Variants in CHD6 observed in about 807,000 individuals in gnomAD.
CHD6 encodes the protein chromodomain helicase DNA binding protein 6, also known as ATP-dependent chromatin remodeler CHD6.
Under a neutral mutation model 276.9 loss-of-function variants are expected in CHD6, and 50 were observed. That is an observed-to-expected ratio of 0.18 (90% confidence interval 0.14 to 0.23). CHD6 has a LOEUF of 0.23. CHD6 is among the 10% of genes least tolerant of loss of function. The pLI, the probability that CHD6 is intolerant of heterozygous loss-of-function variation, is 1.00. For synonymous variants in CHD6, 1,173 were observed against 1,229.3 expected (o/e 0.95, Z 0.96); for missense variants, 2,564 against 3,365.8 (o/e 0.76, Z 5.89).
At chr20:41,573,338 A>C (rs1337084468) in intron 1 of CHD6, among the ~76,000 whole-genome samples, 5 of 152,236 alleles carry the variant, frequency 3.3e-5, no homozygotes, top group Non-Finnish European at 5.9e-5. Flanking sequence ...TGCCTGGCAC[A>C]CAGAAGGTGC....
At chr20:41,431,834 C>T (rs1020740378) in intron 27 of CHD6, among the ~76,000 whole-genome samples, 2 of 137,416 alleles carry the variant, frequency 1.5e-5, no homozygotes, top group African/African-American at 5.6e-5. Context: ...GCGGGCTACC[C>T]GGAAATGGCA....
At chr20:41,521,770 C>T (rs974359749) in intron 3 of CHD6, among the ~76,000 whole-genome samples, 3 of 152,122 alleles carry the variant, frequency 2.0e-5, no homozygotes, top group Non-Finnish European at 2.9e-5. Context: ...AGACGATGAG[C>T]CCGAAACATC....
chr20:41,511,720 A>G lies in CHD6; in HGVS notation c.852+1126T>C, dbSNP rs1329920140. ...ATCCAGCCAAGATTATCCATTTGTCATATCACAGCCTGCGGTGCCATTCAG... is the reference window on the plus strand; with the variant it reads ...ATCCAGCCAAGATTATCCATTTGTCGTATCACAGCCTGCGGTGCCATTCAG... On this transcript the variant is annotated intron_variant, in intron 5 of 36. Coordinates refer to ENST00000373233, the MANE Select transcript of CHD6 (RefSeq NM_032221.5). Among the ~76,000 whole-genome samples the G allele has an allele frequency of 3.3e-5, 5 of 152,218 alleles. No homozygotes were observed. In the South Asian group the frequency reaches 8.3e-4, roughly 25 times the overall value.
chr20:41,404,445 C>A lies in CHD6; in HGVS notation c.*148G>T. On this transcript the variant is annotated 3_prime_UTR_variant, in exon 37 of 37. Coordinates refer to ENST00000373233, the MANE Select transcript of CHD6 (RefSeq NM_032221.5). ...GGTGAGACCCTGCAACTATTAACAT[C>A]TGTTACCATAGTTCTCAGACAGGAA... 1.5e-6 allele frequency: 2 copies of A among 1,347,562 alleles called. No homozygotes were observed. Among genetic ancestry groups the A allele is most frequent in the Non-Finnish European group, 1.9e-6 (2 of 1,049,530 alleles). 83.5% of individuals were successfully genotyped at this position (1,347,562 alleles called of 1,614,324 possible).
intron 1 of CHD6, among the ~76,000 whole-genome samples, chr20:41,577,866 C>A (rs759427652): frequency 5.9e-5 from 9 of 152,196 alleles, no homozygotes; most frequent in Non-Finnish European, 1.3e-4. Context: ...ACAGCCAGAG[C>A]AAATCACTTA....
chr20:41,556,363 G>A (rs1601138848), intron 1 of CHD6, among the ~76,000 whole-genome samples: 1 of 143,164 alleles, frequency 7.0e-6, no homozygotes, highest in Non-Finnish European at 1.5e-5. Context: ...TCCGCTAATG[G>A]CACTTTTAAC....
At chr20:41,570,786 G>C (rs529168867) in intron 1 of CHD6, among the ~76,000 whole-genome samples, 254 of 152,330 alleles carry the variant, frequency 1.7e-3, no homozygotes, top group African/African-American at 5.9e-3. Flanking sequence ...GCTTTAAGCA[G>C]CTGGCTCCAC....
At chr20:41,542,788 T>C (rs1003338838) in intron 2 of CHD6, among the ~76,000 whole-genome samples, 1 of 151,756 alleles carries the variant, frequency 6.6e-6, no homozygotes, top group Non-Finnish European at 1.5e-5. Context: ...CCACCCAGAA[T>C]TGTTCTGATA....
chr20:41,457,471 T>C (rs1206094097), intron 17 of CHD6, 43 bp from the exon 18 acceptor site: 6 of 1,582,096 alleles, frequency 3.8e-6, no homozygotes, highest in Non-Finnish European at 5.2e-6. Context: ...ACCGTATGTA[T>C]AAACGGCAGC....
chr20:41,600,205 T>C (rs577234928), intron 1 of CHD6, among the ~76,000 whole-genome samples: 1 of 152,332 alleles, frequency 6.6e-6, no homozygotes, highest in African/African-American at 2.4e-5. Context: ...CCTGTAAATG[T>C]GTACTGAATA....
intron 5 of CHD6, among the ~76,000 whole-genome samples, chr20:41,504,858 A>G (rs2043939300): frequency 1.3e-5 from 2 of 152,128 alleles, no homozygotes; most frequent in South Asian, 4.1e-4. Flanking sequence ...TTGAATGTCT[A>G]ATTTTTTTTA....
Position 41,413,378 on chromosome 20 carries a change from A to C in CHD6, c.7077T>G (p.Leu2359=). 6.2e-7 allele frequency: 1 copy of C among 1,611,996 alleles called. No homozygotes were observed. Among genetic ancestry groups the C allele is most frequent in the South Asian group, 1.1e-5 (1 of 90,916 alleles). Residue 2359 remains leucine, a synonymous_variant, in exon 35 of 37, where the codon CTT becomes CTG. Transcript: ENST00000373233. ...AGTCAGCCTGCTGCCTTAGCCAGTC[A>C]AGCAGACTCTTGCTGGGAATGGATT... The part of the protein sequence containing the change: ...AEKSIPSKSL[L]DWLRQQADYS...
intron 3 of CHD6, among the ~76,000 whole-genome samples, chr20:41,516,599 T>C (rs1345940126): frequency 1.3e-5 from 2 of 152,208 alleles, no homozygotes; most frequent in African/African-American, 4.8e-5. Context: ...GTGGAGTCTG[T>C]GCTCTTGATC....
At chr20:41,488,059 T>G (rs904893759) in intron 13 of CHD6, among the ~76,000 whole-genome samples, 1 of 152,178 alleles carries the variant, frequency 6.6e-6, no homozygotes, top group African/African-American at 2.4e-5. Flanking sequence ...TATTATTGAG[T>G]GCCTCCCCAC....
At position 41,613,568 on chromosome 20, in the gene CHD6, G is replaced by C. The variant is rs1382878952; in HGVS notation, c.-24+4772C>G. On this transcript the variant is annotated intron_variant, in intron 1 of 36. Transcript: ENST00000373233. ...CCCAGGGAATGCCTGAATGCTGCCA[G>C]AGGGATGCAGTTCTTCCCCAAGCCC... Among the ~76,000 whole-genome samples, 5 of 152,372 alleles carry C rather than the reference G, an allele frequency of 3.3e-5. No homozygotes were observed. In the South Asian group the frequency reaches 8.3e-4, roughly 25 times the overall value.
chr20:41,416,389 C>A (rs1174255901), intron 33 of CHD6, among the ~76,000 whole-genome samples, 199 bp downstream of exon 33: 3 of 152,208 alleles, frequency 2.0e-5, no homozygotes, highest in African/African-American at 7.2e-5. Context: ...TTTCATCATG[C>A]CTTCTCCTGC....
intron 1 of CHD6, among the ~76,000 whole-genome samples, chr20:41,597,261 T>C (rs2045727323): frequency 6.6e-6 from 1 of 152,024 alleles, no homozygotes; most frequent in Non-Finnish European, 1.5e-5. Context: ...AATTTAGAGG[T>C]GGGACGTAAA....
intron 1 of CHD6, among the ~76,000 whole-genome samples, chr20:41,593,310 C>T (rs745704985): frequency 7.9e-5 from 12 of 152,022 alleles, no homozygotes; most frequent in Non-Finnish European, 1.8e-4. Context: ...GCTCACATGG[C>T]CTTTACACTT....
chr20:41,421,817 C>G lies in CHD6; in HGVS notation c.4818G>C (p.Leu1606=). The stretch of plus-strand genomic sequence containing the variant: ...AGTTTCTATAGGCATCCAGGAAGGA[C>G]AGCTGGGGGTCGTTCATGATGTAAC... ...TDCYIMNDPQ[L]SFLDAYRNYA... Residue 1606 remains leucine, a synonymous_variant, in exon 31 of 37, where the codon CTG becomes CTC. Transcript: ENST00000373233. 6.2e-7 allele frequency: 1 copy of G among 1,614,166 alleles called. No homozygotes were observed.
Sources: gnomAD v4.1 joint callset for allele counts (sites outside exome capture counted in the v4.1 genomes callset) on GRCh38, gnomAD v4.1.1 for gene constraint, MANE v1.5 for transcripts, NCBI Gene and HGNC (gene_info 2026-07-23, HGNC 2026-07-21) for gene names.